Variants in ATP8A2 observed in about 807,000 individuals in gnomAD.
The protein encoded by ATP8A2 is phospholipid-transporting ATPase IB.
Under a neutral mutation model 165.6 loss-of-function variants are expected in ATP8A2, and 100 were observed. The observed-to-expected ratio is 0.60, with a 90% CI of 0.51 to 0.71. ATP8A2 has a LOEUF of 0.71. ATP8A2 is among the 30% of genes least tolerant of loss of function. The pLI, the probability that ATP8A2 is intolerant of heterozygous loss-of-function variation, is 0.00. For missense variants in ATP8A2, 1,227 were observed against 1,479.5 expected, an observed-to-expected ratio of 0.83 and a Z score of 2.80; for synonymous variants, 543 against 548.8, an observed-to-expected ratio of 0.99 and a Z score of 0.15.
intron 35 of ATP8A2, among the ~76,000 whole-genome samples, chr13:25,981,565 A>T (rs1030059611): frequency 1.3e-5 from 2 of 152,252 alleles, no homozygotes; most frequent in African/African-American, 4.8e-5. Flanking sequence ...GAAGCAAGTT[A>T]ACTTGAAAAT....
chr13:25,630,446 T>G (rs938186318), intron 24 of ATP8A2, among the ~76,000 whole-genome samples: 1 of 152,204 alleles, frequency 6.6e-6, no homozygotes, highest in Non-Finnish European at 1.5e-5. Context: ...TGACACTAAT[T>G]TCACCATGTC....
rs560569167 is a variant in ATP8A2, at chr13:25,376,747, C to T, written c.76+4459C>T. Among the ~76,000 whole-genome samples the T allele has an allele frequency of 8.1e-4, 123 of 152,296 alleles. 1 individual carries two copies. The highest frequency in any genetic ancestry group is 2.9e-3 in the African/African-American group (119 of 41,572). ...TTATCCTATGTAATAGAAGAATTGG[C>T]AAAACTTTTGTTATTATTTTCCTTT... is the stretch of plus-strand genomic sequence containing the variant. On this transcript the variant is annotated intron_variant, in intron 1 of 36. Coordinates refer to ENST00000381655, the MANE Select transcript of ATP8A2 (RefSeq NM_016529.6).
intron 33 of ATP8A2, among the ~76,000 whole-genome samples, chr13:25,938,536 C>T (rs563426796): frequency 6.6e-6 from 1 of 152,268 alleles, no homozygotes; most frequent in East Asian, 1.9e-4. Context: ...CCTAAACATG[C>T]ATGTGTGTGT....
chr13:25,705,697 A>T (rs2043042174), intron 25 of ATP8A2, among the ~76,000 whole-genome samples: 1 of 152,230 alleles, frequency 6.6e-6, no homozygotes, highest in Non-Finnish European at 1.5e-5. Context: ...AAAATTAGAA[A>T]ATACAGACAA....
At chr13:25,812,360 TCACTTCTCTTTGATGCTCTCCAG>T (rs1051563067) in intron 27 of ATP8A2, among the ~76,000 whole-genome samples, 6 of 149,260 alleles carry the variant, frequency 4.0e-5, no homozygotes, top group African/African-American at 1.5e-4. Context: ...CTGCTGGACT[TCACTTCTCTTTGATGCTCTCCAG>T]GAGGGCACCA....
intron 1 of ATP8A2, among the ~76,000 whole-genome samples, chr13:25,394,575 G>A (rs992314429): frequency 1.3e-5 from 2 of 152,162 alleles, no homozygotes; most frequent in African/African-American, 2.4e-5. Flanking sequence ...ATTGCTGGCC[G>A]GATTGATGAC....
chr13:25,532,566 T>G (rs535856482), intron 5 of ATP8A2, among the ~76,000 whole-genome samples: 1 of 152,342 alleles, frequency 6.6e-6, no homozygotes, highest in East Asian at 1.9e-4. Flanking sequence ...AGTTTTTATG[T>G]CCATAAAAAG....
intron 24 of ATP8A2, among the ~76,000 whole-genome samples, chr13:25,609,289 A>G (rs1296158201): frequency 4.6e-5 from 7 of 151,928 alleles, no homozygotes; most frequent in Non-Finnish European, 8.8e-5. Flanking sequence ...GTAGAATAAC[A>G]TAAGAGTACA....
chr13:25,936,676 C>A (rs1053210445), intron 33 of ATP8A2, among the ~76,000 whole-genome samples: 1 of 152,158 alleles, frequency 6.6e-6, no homozygotes, highest in African/African-American at 2.4e-5. Flanking sequence ...CATCGGAAGA[C>A]AGTTTGCAGA....
intron 13 of ATP8A2, 120 bp from the exon 14 acceptor site, chr13:25,558,853 G>T: frequency 1.7e-6 from 1 of 597,852 alleles, no homozygotes; most frequent in Non-Finnish European, 2.9e-6. Context: ...TAATTTGCTT[G>T]CTTTAGGGAA....
In ATP8A2 at chr13:25,994,543, A is replaced by C. The variant is rs998991918; in HGVS notation, c.3378-17988A>C. Among the ~76,000 whole-genome samples the C allele has an allele frequency of 2.6e-5, 4 of 151,860 alleles. No homozygotes were observed. The East Asian group carries it at 5.8e-4, about 22-fold the overall frequency. On this transcript the variant is annotated intron_variant, in intron 35 of 36. Transcript: ENST00000381655. ...TAGATGCTCTTTGTCAAGTTGGGGG[A>C]GTTCTTTTCTTAATTTGCTAAGAGA...
chr13:25,639,951 A>G (rs186900719), intron 24 of ATP8A2, among the ~76,000 whole-genome samples: 1 of 152,238 alleles, frequency 6.6e-6, no homozygotes, highest in African/African-American at 2.4e-5. Flanking sequence ...TAAGAAACTC[A>G]TTCAAAACTG....
At chr13:25,934,784 G>A (rs774137824) in intron 33 of ATP8A2, among the ~76,000 whole-genome samples, 3 of 152,202 alleles carry the variant, frequency 2.0e-5, no homozygotes, top group Non-Finnish European at 4.4e-5. Context: ...CAGAACAGTG[G>A]TGGAGGGGCA....
At chr13:25,919,239 A>C (rs571429870) in intron 33 of ATP8A2, among the ~76,000 whole-genome samples, 2 of 152,344 alleles carry the variant, frequency 1.3e-5, no homozygotes, top group South Asian at 2.1e-4. Context: ...AGGGAAGACA[A>C]CATCAGTTCA....
At chr13:25,528,753 A>C (rs896874420) in intron 2 of ATP8A2, among the ~76,000 whole-genome samples, 1 of 150,990 alleles carries the variant, frequency 6.6e-6, no homozygotes, top group African/African-American at 2.4e-5. Context: ...TTGTGTATGC[A>C]TACATATGCA....
intron 34 of ATP8A2, among the ~76,000 whole-genome samples, chr13:25,964,512 G>A (rs527448649): frequency 1.3e-5 from 2 of 152,218 alleles, no homozygotes; most frequent in African/African-American, 4.8e-5. Flanking sequence ...AAGCTACAGT[G>A]CTTCACTGAG....
intron 31 of ATP8A2, 125 bp downstream of exon 31, chr13:25,860,381 A>G (rs1952311298): frequency 3.4e-6 from 2 of 584,532 alleles, no homozygotes; most frequent in Admixed American, 3.3e-5. Context: ...AATGTATTTT[A>G]TATATCCTTC....
At chr13:25,933,571 C>T (rs74998182) in intron 33 of ATP8A2, among the ~76,000 whole-genome samples, 2,458 of 152,272 alleles carry the variant, frequency 0.016, 33 homozygotes, top group South Asian at 0.031. Flanking sequence ...TACACTAGGA[C>T]GTAGGTAGGT....
intron 25 of ATP8A2, among the ~76,000 whole-genome samples, chr13:25,731,242 GAGGA>G (rs10676923): frequency 0.027 from 3,765 of 140,270 alleles, 80 homozygotes; most frequent in Non-Finnish European, 0.039. Flanking sequence ...AAGAGAGAGA[GAGGA>G]AGGAAGGAAG....
Sources: allele counts gnomAD v4.1 joint callset (sites outside exome capture counted in the v4.1 genomes callset), GRCh38; gene constraint gnomAD v4.1.1; transcripts MANE v1.5; gene names NCBI Gene and HGNC (gene_info 2026-07-23, HGNC 2026-07-21).